Variants in NRG1 observed in about 807,000 individuals in gnomAD.
The protein encoded by NRG1 is pro-neuregulin-1, membrane-bound isoform.
Under a neutral mutation model 63.8 loss-of-function variants are expected in NRG1, and 18 were observed. The observed-to-expected ratio is 0.28, with a 90% CI of 0.19 to 0.42. The LOEUF (loss-of-function observed/expected upper bound fraction) is 0.42, where lower values mean the gene tolerates loss of function less well. NRG1 is among the 10% of genes least tolerant of loss of function. NRG1 has a pLI of 1.00. For synonymous variants in NRG1, 302 were observed against 301.3 expected, an observed-to-expected ratio of 1.00 and a Z score of -0.02; for missense variants, 762 against 814.7, an observed-to-expected ratio of 0.94 and a Z score of 0.79.
chr8:32,186,532 G>A (rs1841991526), intron 1 of NRG1, among the ~76,000 whole-genome samples: 1 of 152,024 alleles, frequency 6.6e-6, no homozygotes, highest in African/African-American at 2.4e-5. Context: ...GCATTGTAGG[G>A]TCATGAATTT....
At chr8:32,228,774 A>T (rs1231170922) in intron 1 of NRG1, among the ~76,000 whole-genome samples, 4 of 152,190 alleles carry the variant, frequency 2.6e-5, no homozygotes. Context: ...TGACATATAT[A>T]CGTGTCTGTG....
intron 1 of NRG1, among the ~76,000 whole-genome samples, chr8:32,050,499 G>A (rs1238406944): frequency 6.6e-6 from 1 of 152,106 alleles, no homozygotes; most frequent in Non-Finnish European, 1.5e-5. Flanking sequence ...ATCAAAAGTG[G>A]TTAGAAAGTC....
chr8:32,604,967 C>T (rs540482151), intron 2 of NRG1, among the ~76,000 whole-genome samples: 1 of 152,110 alleles, frequency 6.6e-6, no homozygotes, highest in Non-Finnish European at 1.5e-5. Context: ...TATTAAGAAC[C>T]TTTCATGTGG....
chr8:32,413,539 C>T (rs1312854257), intron 1 of NRG1, among the ~76,000 whole-genome samples: 4 of 152,162 alleles, frequency 2.6e-5, no homozygotes, highest in African/African-American at 9.7e-5. Flanking sequence ...CAGTGGCTCA[C>T]GCCTGTAATC....
intron 5 of NRG1, among the ~76,000 whole-genome samples, chr8:32,678,751 T>C (rs28414583): frequency 0.088 from 13,382 of 152,202 alleles, 623 homozygotes; most frequent in African/African-American, 0.096. Context: ...AGATAACCAT[T>C]TTCATTACTT....
chr8:31,653,876 C>T lies in NRG1; in HGVS notation c.37+14445C>T, dbSNP rs1585423812. ...TTGCCTTCTAGAGCTCTGTGTTTCA[C>T]AAATCATTTTGATGTAGAGACTGTG... On this transcript the variant is annotated intron_variant, in intron 1 of 10. Coordinates refer to the NRG1 transcript ENST00000519301. Among the ~76,000 whole-genome samples the T allele has an allele frequency of 2.6e-5, 4 of 151,842 alleles. No individual in the cohort carries two copies. The East Asian group carries it at 7.7e-4, about 29-fold the overall frequency.
chr8:32,295,310 A>G (rs1166975138), intron 1 of NRG1, among the ~76,000 whole-genome samples: 1 of 152,154 alleles, frequency 6.6e-6, no homozygotes, highest in Non-Finnish European at 1.5e-5. Context: ...TATGGATCTG[A>G]AGTTTGCTCC....
intron 1 of NRG1, among the ~76,000 whole-genome samples, chr8:32,513,568 T>A (rs1382635272): frequency 6.6e-6 from 1 of 152,184 alleles, no homozygotes; most frequent in Non-Finnish European, 1.5e-5. Context: ...ATTGATTATG[T>A]GATCTATAAA....
At chr8:32,023,180 T>C (rs1816725821) in intron 1 of NRG1, among the ~76,000 whole-genome samples, 1 of 152,232 alleles carries the variant, frequency 6.6e-6, no homozygotes, top group Non-Finnish European at 1.5e-5. Flanking sequence ...AGTTATGTAA[T>C]GTAATTTTAC....
chr8:32,736,202 C>T (rs1051927263), intron 6 of NRG1, among the ~76,000 whole-genome samples: 7 of 152,156 alleles, frequency 4.6e-5, no homozygotes, highest in African/African-American at 1.4e-4. Context: ...ATTAGAAAAG[C>T]ATATGCAAAC....
rs71208167 is a variant in NRG1 at position 32,092,461 on chromosome 8, CAAAAA to C, written c.37+453044_37+453048del. Among the ~76,000 whole-genome samples the C allele has an allele frequency of 4.8e-5, 4 of 83,708 alleles. No individual in the cohort carries two copies. In the South Asian group the frequency reaches 1.8e-3, roughly 39 times the overall value. 54.9% of individuals were successfully genotyped at this position (83,708 alleles called of 152,430 possible). On this transcript the variant is annotated intron_variant, in intron 1 of 10. Coordinates refer to the NRG1 transcript ENST00000519301. ...TGGGTGACAGAGCAAGACCCTGTCT[CAAAAA>C]AAAAAAAAAAAAAGAAAAAGAAAAA...
chr8:31,926,720 A>G (rs1201000453), intron 1 of NRG1, among the ~76,000 whole-genome samples: 2 of 152,150 alleles, frequency 1.3e-5, no homozygotes, highest in Admixed American at 1.3e-4. Context: ...CAAGCTGTCA[A>G]AACCCCAGGG....
At chr8:31,947,607 T>C (rs1021020801) in intron 1 of NRG1, among the ~76,000 whole-genome samples, 6 of 152,044 alleles carry the variant, frequency 3.9e-5, no homozygotes, top group African/African-American at 1.2e-4. Context: ...CTTCATGATA[T>C]TGAATATTGA....
At chr8:32,386,062 G>T (rs553259412) in intron 1 of NRG1, among the ~76,000 whole-genome samples, 2 of 152,182 alleles carry the variant, frequency 1.3e-5, no homozygotes, top group East Asian at 1.9e-4. Context: ...GCTGTCATAG[G>T]TCTTTAGATT....
chr8:31,743,344 G>C (rs1394081894), intron 1 of NRG1, among the ~76,000 whole-genome samples: 1 of 151,904 alleles, frequency 6.6e-6, no homozygotes, highest in Admixed American at 6.6e-5. Flanking sequence ...CCTATTGTAT[G>C]ACTGCACTGT....
intron 1 of NRG1, among the ~76,000 whole-genome samples, chr8:32,474,121 A>G (rs1358524081): frequency 6.6e-6 from 1 of 152,242 alleles, no homozygotes; most frequent in East Asian, 1.9e-4. Flanking sequence ...GTGGCAGAGT[A>G]CAGCACTCAT....
chr8:32,242,509 C>A (rs1848207266), intron 1 of NRG1, among the ~76,000 whole-genome samples: 1 of 152,096 alleles, frequency 6.6e-6, no homozygotes, highest in South Asian at 2.1e-4. Context: ...AAGAACACGT[C>A]TAAAATAATT....
At chr8:31,898,671 T>C (rs1257196066) in intron 1 of NRG1, among the ~76,000 whole-genome samples, 1 of 152,068 alleles carries the variant, frequency 6.6e-6, no homozygotes. Flanking sequence ...ACCACTGCCC[T>C]CCAGCCTGGG....
intron 1 of NRG1, among the ~76,000 whole-genome samples, chr8:31,873,559 AAAAACAAAAC>A (rs763554964): frequency 6.6e-6 from 1 of 152,182 alleles, no homozygotes; most frequent in Non-Finnish European, 1.5e-5. Flanking sequence ...ACTCCGTCTG[AAAAACAAAAC>A]AAAACAAAAC....
Sources: allele counts gnomAD v4.1 joint callset (sites outside exome capture counted in the v4.1 genomes callset), GRCh38; gene constraint gnomAD v4.1.1; transcripts MANE v1.5; gene names NCBI Gene and HGNC (gene_info 2026-07-23, HGNC 2026-07-21).